RANBP17: variants seen among roughly 807,000 people sequenced by gnomAD.
RANBP17 encodes the protein RAN binding protein 17, also known as ran-binding protein 17.
In RANBP17, 158 loss-of-function variants were observed where a neutral mutation model predicts 141.2. The observed-to-expected ratio is 1.12, with a 90% CI of 0.98 to 1.28. The LOEUF (loss-of-function observed/expected upper bound fraction) is 1.28. Among genes scored for constraint, RANBP17 ranks in the 50% most tolerant of loss-of-function variants. RANBP17 has a pLI of 0.00. For missense variants in RANBP17, 1,438 were observed against 1,290.7 expected (o/e 1.11, Z -1.75); for synonymous variants, 430 against 450.0 (o/e 0.96, Z 0.56).
chr5:171,098,562 A>G (rs1323361188), intron 14 of RANBP17, among the ~76,000 whole-genome samples: 1 of 152,134 alleles, frequency 6.6e-6, no homozygotes, highest in Non-Finnish European at 1.5e-5. Flanking sequence ...GATAGATTGC[A>G]AAAATTTTCT....
chr5:171,242,787 C>T lies in RANBP17; in HGVS notation c.2743C>T (p.Leu915Phe). The T allele has an allele frequency of 3.1e-6, 5 of 1,613,704 alleles. No homozygotes were observed. The highest frequency in any genetic ancestry group is 4.2e-6 in the Non-Finnish European group (5 of 1,179,708). ...NLEPPVLMYV[L>F]TSISEGLTTL... ...AGAGCCTCCTGTACTCATGTATGTT[C>T]TCACATCTATCTCAGAGGGACTCAC... Residue 915 changes from leucine (L) to phenylalanine (F), a missense_variant, in exon 24 of 28, where the codon CTC (leucine) becomes TTC (phenylalanine). Physicochemically the swap from Leu to Phe is conservative, Grantham distance 22. Coordinates refer to ENST00000523189, the MANE Select transcript of RANBP17 (RefSeq NM_022897.5).
chr5:171,189,210 A>C (rs951816054), intron 18 of RANBP17, among the ~76,000 whole-genome samples: 2 of 152,230 alleles, frequency 1.3e-5, no homozygotes, highest in Non-Finnish European at 2.9e-5. Context: ...TAAAATTTAA[A>C]ATCATAGTAG....
intron 14 of RANBP17, among the ~76,000 whole-genome samples, chr5:171,012,103 T>C (rs1044315047): frequency 2.0e-5 from 3 of 151,742 alleles, no homozygotes; most frequent in East Asian, 3.9e-4. Flanking sequence ...AAACAAATAA[T>C]ACATTTGTTT....
chr5:171,109,031 A>C (rs1191209369), intron 14 of RANBP17, among the ~76,000 whole-genome samples: 2 of 152,194 alleles, frequency 1.3e-5, no homozygotes, highest in Non-Finnish European at 2.9e-5. Context: ...GTAACTCTAT[A>C]AGAAATAAAA....
In RANBP17 at chr5:171,106,713, A is replaced by G. The variant is rs541819737; in HGVS notation, c.1711-63417A>G. ...CATGGTTCTCAATACTGGTTTTACAATATAATCACACGAGGAAGTTTTGTA... is the reference window on the plus strand; with the variant it reads ...CATGGTTCTCAATACTGGTTTTACAGTATAATCACACGAGGAAGTTTTGTA... On this transcript the variant is annotated intron_variant, in intron 14 of 27. Coordinates refer to ENST00000523189, the MANE Select transcript of RANBP17 (RefSeq NM_022897.5). Among the ~76,000 whole-genome samples the G allele has an allele frequency of 3.9e-5, 6 of 152,304 alleles. No individual in the cohort carries two copies. The East Asian group carries it at 9.7e-4, about 25-fold the overall frequency.
rs1038444900 is a variant in RANBP17 at position 171,049,846 on chromosome 5, G to C, written c.1710+81469G>C. Among the ~76,000 whole-genome samples, 10 of 152,264 alleles carry C rather than the reference G, an allele frequency of 6.6e-5. No individual in the cohort carries two copies. In the South Asian group the frequency reaches 1.4e-3, roughly 22 times the overall value. On this transcript the variant is annotated intron_variant, in intron 14 of 27. Coordinates refer to ENST00000523189, the MANE Select transcript of RANBP17 (RefSeq NM_022897.5). Reference sequence around the variant, plus strand: ...GGTGTATGTGTCTGTTTTTGTACCAGTACCATGCTGTTTCAGTTACTGTAG... The same window carrying C: ...GGTGTATGTGTCTGTTTTTGTACCACTACCATGCTGTTTCAGTTACTGTAG...
intron 20 of RANBP17, chr5:171,206,724 G>A (rs981603390): frequency 8.4e-5 from 15 of 179,400 alleles, no homozygotes; most frequent in Non-Finnish European, 1.6e-4. Context: ...ATCTAGGCAT[G>A]TTTTAGGGAG....
chr5:170,988,287 ATTTTTT>A (rs575208341), intron 14 of RANBP17, among the ~76,000 whole-genome samples: 1 of 143,990 alleles, frequency 6.9e-6, no homozygotes, highest in East Asian at 2.0e-4. Flanking sequence ...TTGATGATTG[ATTTTTT>A]TTTTTTAAGT....
At chr5:171,148,007 A>T (rs1758187342) in intron 14 of RANBP17, among the ~76,000 whole-genome samples, 1 of 152,168 alleles carries the variant, frequency 6.6e-6, no homozygotes, top group South Asian at 2.1e-4. Context: ...GTGTAGAAAG[A>T]AGTAGACATG....
intron 6 of RANBP17, chr5:170,910,646 A>G (rs765079933): frequency 5.8e-5 from 11 of 191,128 alleles, no homozygotes; most frequent in Non-Finnish European, 9.7e-5. Context: ...ATTTCACAAT[A>G]TATCTAAAAG....
rs145763842 is a variant in RANBP17 at position 170,986,561 on chromosome 5, CAT to C, written c.1710+18198_1710+18199del. ...CAAAACATCAAATGAACCCCATAAA[CAT>C]ATATATATATATACCTGTGATGTAC... On this transcript the variant is annotated intron_variant, in intron 14 of 27. Coordinates refer to ENST00000523189, the MANE Select transcript of RANBP17 (RefSeq NM_022897.5). Among the ~76,000 whole-genome samples the C allele has an allele frequency of 4.7e-3, 709 of 149,450 alleles. 5 individuals are homozygous for C. The highest frequency in any genetic ancestry group is 0.016 in the African/African-American group (660 of 40,980).
At chr5:171,107,828 A>G (rs1244277845) in intron 14 of RANBP17, among the ~76,000 whole-genome samples, 4 of 152,208 alleles carry the variant, frequency 2.6e-5, no homozygotes, top group African/African-American at 9.6e-5. Flanking sequence ...TGACAGTTAA[A>G]TTGATATGGT....
intron 4 of RANBP17, among the ~76,000 whole-genome samples, chr5:170,893,685 C>CGGGA (rs1444519228): frequency 6.6e-6 from 1 of 151,658 alleles, no homozygotes; most frequent in Non-Finnish European, 1.5e-5. Flanking sequence ...CCCAGCTACT[C>CGGGA]GGGAGGCTGA....
At chr5:170,879,212 A>G (rs562125310) in intron 2 of RANBP17, among the ~76,000 whole-genome samples, 1 of 152,324 alleles carries the variant, frequency 6.6e-6, no homozygotes, top group Admixed American at 6.5e-5. Context: ...ATATCAGTCC[A>G]TGAGCATATG....
Position 171,221,772 on chromosome 5 carries a change from A to AT in RANBP17, c.2358dup (p.Asp787Ter). 2 of 1,609,082 alleles carry AT rather than the reference A, an allele frequency of 1.2e-6. No individual in the cohort carries two copies. Among genetic ancestry groups the AT allele is most frequent in the Non-Finnish European group, 1.7e-6 (2 of 1,176,304 alleles). ...ATATTTCTTAGATCCCAGCGTTTGAATTTTGATGTATCATCTCCTAATGGA... is the reference window on the plus strand; with the variant it reads ...ATATTTCTTAGATCCCAGCGTTTGAATTTTTGATGTATCATCTCCTAATGGA... On this transcript the variant is annotated frameshift_variant, in exon 22 of 28. Transcript: ENST00000523189. LOFTEE classifies it high-confidence loss of function.
intron 18 of RANBP17, 40 bp downstream of exon 18, chr5:171,183,470 C>A: frequency 7.5e-7 from 1 of 1,325,490 alleles, no homozygotes; most frequent in Non-Finnish European, 1.1e-6. Context: ...AAGGGATCAG[C>A]AATACACTTG....
intron 25 of RANBP17, chr5:171,271,071 A>ATTTTTTTTT (rs1767074293): frequency 4.1e-5 from 1 of 24,198 alleles, no homozygotes; most frequent in Non-Finnish European, 7.6e-5. Flanking sequence ...TTTTTATGTT[A>ATTTTTTTTT]TTTCTTTTTT....
intron 14 of RANBP17, among the ~76,000 whole-genome samples, chr5:171,159,917 C>CAA (rs1175963382): frequency 6.4e-3 from 261 of 40,752 alleles, no homozygotes; most frequent in Middle Eastern, 0.016. Flanking sequence ...GACTCCATCT[C>CAA]AAAAAAAAAA....
chr5:170,942,461 A>C (rs1276467680), intron 12 of RANBP17, among the ~76,000 whole-genome samples: 1 of 152,226 alleles, frequency 6.6e-6, no homozygotes, highest in East Asian at 1.9e-4. Flanking sequence ...GTCAGAGATA[A>C]GATGTTTAAT....
Sources: gnomAD v4.1 joint callset for allele counts (sites outside exome capture counted in the v4.1 genomes callset) on GRCh38, gnomAD v4.1.1 for gene constraint, MANE v1.5 for transcripts, NCBI Gene and HGNC (gene_info 2026-07-23, HGNC 2026-07-21) for gene names.